SFXN2: variants seen among roughly 807,000 people sequenced by gnomAD.
SFXN2 encodes sideroflexin 2, also known as sideroflexin-2.
SFXN2 carries 37 observed loss-of-function variants against 41.9 expected under a neutral mutation model. That is an observed-to-expected ratio of 0.88 (90% CI 0.68 to 1.16). The LOEUF is 1.16. SFXN2 is among the 50% of genes most tolerant of loss of function. The probability of loss-of-function intolerance (pLI) is 0.00; values close to 1 mark genes in which losing one functional copy is unlikely to be tolerated. For synonymous variants in SFXN2, 150 were observed against 156.7 expected (o/e 0.96, Z 0.32); for missense variants, 386 against 425.2 (o/e 0.91, Z 0.81).
intron 4 of SFXN2, 36 bp from the exon 5 acceptor site, chr10:102,729,282 AG>A: frequency 6.2e-7 from 1 of 1,601,568 alleles, no homozygotes; most frequent in Non-Finnish European, 8.5e-7. Context: ...CTCAGCCGGC[AG>A]GGGCCCCACT....
Position 102,738,843 on chromosome 10 carries a change from T to C in SFXN2, c.*1081T>C, listed in dbSNP as rs2064816062. ...ATATATATAGGCATTAACCACACAC[T>C]TTAATGGGTATAATTTCCTGGCTGC... On this transcript the variant is annotated 3_prime_UTR_variant, in exon 12 of 12. Coordinates refer to ENST00000369893, the MANE Select transcript of SFXN2 (RefSeq NM_178858.6). 6.5e-6 allele frequency: 1 copy of C among 152,672 alleles called. No individual in the cohort carries two copies. The highest frequency in any genetic ancestry group is 1.5e-5 in the Non-Finnish European group (1 of 68,074). The allele number at this position is 152,672 out of a possible 1,614,324, so 9.5% of individuals were successfully genotyped here.
chr10:102,726,720 A>G lies in SFXN2; in HGVS notation c.84A>G (p.Leu28=), dbSNP rs1476729183. 6.2e-7 allele frequency: 1 copy of G among 1,614,154 alleles called. No individual in the cohort carries two copies. Among genetic ancestry groups the G allele is most frequent in the African/African-American group, 1.3e-5 (1 of 75,028 alleles). The change falls in exon 2 of 12, where the codon CTA becomes CTG. Residue 28 remains leucine (L), a synonymous_variant. Coordinates refer to ENST00000369893, the MANE Select transcript of SFXN2 (RefSeq NM_178858.6). ...RTFLGRVKHF[L]NITDPRTVFV... ...TCCTGGGGAGAGTGAAGCACTTCCT[A>G]AACATCACGGACCCCCGCACTGTCT... is the stretch of plus-strand genomic sequence containing the variant.
intron 1 of SFXN2, among the ~76,000 whole-genome samples, chr10:102,722,925 CTTTTTTT>C (rs71019608): frequency 3.7e-5 from 2 of 53,362 alleles, no homozygotes; most frequent in East Asian, 6.4e-4. Context: ...CAAGAAAGTC[CTTTTTTT>C]TTTTTTTTTT....
chr10:102,716,636 TC>T, intron 1 of SFXN2: 1 of 144,880 alleles, frequency 6.9e-6, no homozygotes, highest in Admixed American at 7.1e-5. Flanking sequence ...CGGTGCGATC[TC>T]GGCTCATCAC....
chr10:102,726,605 C>A lies in SFXN2; in HGVS notation c.-25-7C>A. 1 of 1,612,980 alleles carries A rather than the reference C, an allele frequency of 6.2e-7. No homozygotes were observed. Among genetic ancestry groups the A allele is most frequent in the Non-Finnish European group, 8.5e-7 (1 of 1,179,366 alleles). ...GGGGACAGTCATCTTCTTCCTTTGTCCCTTAGGTCCACAGTTTTATGTGTG... is the reference window on the plus strand; with the variant it reads ...GGGGACAGTCATCTTCTTCCTTTGTACCTTAGGTCCACAGTTTTATGTGTG... On this transcript the variant is annotated splice_region_variant and splice_polypyrimidine_tract_variant and intron_variant, in intron 1 of 11. Transcript: ENST00000369893.
chr10:102,729,610 T>A, intron 5 of SFXN2, 113 bp from the exon 6 acceptor site: 1 of 1,204,356 alleles, frequency 8.3e-7, no homozygotes, highest in Admixed American at 2.1e-5. Context: ...GGTGTCTGGA[T>A]GTGTGGCGGT....
At chr10:102,732,298 G>A in intron 8 of SFXN2, 80 bp downstream of exon 8, 4 of 1,329,796 alleles carry the variant, frequency 3.0e-6, no homozygotes, top group Non-Finnish European at 4.2e-6. Context: ...CTTTTGGGTG[G>A]GAGGTGGGGC....
chr10:102,743,227 G>A lies in SFXN2; in HGVS notation c.*5465G>A, dbSNP rs1842814690. On this transcript the variant is annotated 3_prime_UTR_variant, in exon 12 of 12. Transcript: ENST00000369893. ...GAGAGGAAGAATTGTCAACTTGCAGGGCAGCAGGGAAGCCATTTGTATTTA... is the reference window on the plus strand; with the variant it reads ...GAGAGGAAGAATTGTCAACTTGCAGAGCAGCAGGGAAGCCATTTGTATTTA... 1 of 152,306 alleles carries A rather than the reference G, an allele frequency of 6.6e-6. No individual in the cohort carries two copies. Among genetic ancestry groups the A allele is most frequent in the African/African-American group, 2.4e-5 (1 of 41,436 alleles). The allele number at this position is 152,306 out of a possible 1,614,324, so 9.4% of individuals were successfully genotyped here.
intron 11 of SFXN2, among the ~76,000 whole-genome samples, chr10:102,736,462 G>A (rs1260772896): frequency 7.1e-6 from 1 of 141,616 alleles, no homozygotes; most frequent in Non-Finnish European, 1.5e-5. Context: ...TCACTCCGTC[G>A]CCAGGCTGGG....
chr10:102,725,773 G>T (rs571837528), intron 1 of SFXN2, among the ~76,000 whole-genome samples: 20 of 152,090 alleles, frequency 1.3e-4, no homozygotes, highest in Middle Eastern at 3.4e-3. Context: ...TGTGCCTGTA[G>T]TCCCAGTTAC....
At chr10:102,720,228 G>A (rs1590138317) in intron 1 of SFXN2, among the ~76,000 whole-genome samples, 3 of 145,586 alleles carry the variant, frequency 2.1e-5, no homozygotes, top group Admixed American at 7.3e-5. Flanking sequence ...GGAGGTGGAC[G>A]TTGCAGTGAG....
Position 102,734,510 on chromosome 10 carries a change from G to T in SFXN2, c.821+907G>T, listed in dbSNP as rs2064746549. 1.3e-5 allele frequency among the ~76,000 whole-genome samples: 2 copies of T among 152,214 alleles called. No individual in the cohort carries two copies. Among genetic ancestry groups the T allele is most frequent in the Non-Finnish European group, 1.5e-5 (1 of 68,036 alleles). ...ATGAAGAAACTGAGACTTAGACAGAGTAAGAAACTTGCCCAAGGGTATATA... is the reference window on the plus strand; with the variant it reads ...ATGAAGAAACTGAGACTTAGACAGATTAAGAAACTTGCCCAAGGGTATATA... On this transcript the variant is annotated intron_variant, in intron 10 of 11. Transcript: ENST00000369893. The surrounding 1 kb of genome is among the most constrained non-coding windows in gnomAD (Gnocchi z 4.1).
rs190713599 is a variant in SFXN2 at position 102,741,169 on chromosome 10, A to G, written c.*3407A>G. The G allele has an allele frequency of 6.6e-6, 1 of 152,334 alleles. No homozygotes were observed. The highest frequency in any genetic ancestry group is 2.4e-5 in the African/African-American group (1 of 41,574). 9.4% of individuals were successfully genotyped at this position (152,334 alleles called of 1,614,324 possible). On this transcript the variant is annotated 3_prime_UTR_variant, in exon 12 of 12. Coordinates refer to ENST00000369893, the MANE Select transcript of SFXN2 (RefSeq NM_178858.6). ...GGGAAGTGCTAATCCAGACTGTCCT[A>G]TCCAATAGCTCAGCTTGAGCTTTCA...
intron 9 of SFXN2, among the ~76,000 whole-genome samples, 154 bp from the exon 10 acceptor site, chr10:102,733,400 G>C (rs764891846): frequency 6.6e-6 from 1 of 152,060 alleles, no homozygotes; most frequent in Admixed American, 6.6e-5. Flanking sequence ...TGCCCATCTC[G>C]GTCTCCCAAA....
At chr10:102,736,541 C>T (rs1407473127) in intron 11 of SFXN2, among the ~76,000 whole-genome samples, 2 of 151,808 alleles carry the variant, frequency 1.3e-5, no homozygotes, top group African/African-American at 2.4e-5. Context: ...CTCAGCCTCA[C>T]GAGTAGCTGG....
chr10:102,734,910 C>G lies in SFXN2; in HGVS notation c.822-952C>G, dbSNP rs2064752692. ...AAAGACTCTGAAGTCCTTCCCCAGA[C>G]CCCCTCAGTTGGCACCTGGCATTTT... is the stretch of plus-strand genomic sequence containing the variant. On this transcript the variant is annotated intron_variant, in intron 10 of 11. Transcript: ENST00000369893. This position sits in a 1 kb window ranked among gnomAD's most constrained non-coding sequence, Gnocchi z 4.1. Among the ~76,000 whole-genome samples, 2 of 152,160 alleles carry G rather than the reference C, an allele frequency of 1.3e-5. No homozygotes were observed. The highest frequency in any genetic ancestry group is 4.1e-4 in the South Asian group (2 of 4,832).
chr10:102,716,832 G>A (rs1166240756), intron 1 of SFXN2: 1 of 152,192 alleles, frequency 6.6e-6, no homozygotes, highest in African/African-American at 2.4e-5. Context: ...GGCTCTCAAA[G>A]TGTTGGGATT....
At chr10:102,725,462 C>T (rs1339008616) in intron 1 of SFXN2, among the ~76,000 whole-genome samples, 1 of 152,198 alleles carries the variant, frequency 6.6e-6, no homozygotes, top group Non-Finnish European at 1.5e-5. Context: ...TAGTGCATGC[C>T]TGTAGTCCCA....
intron 10 of SFXN2, 88 bp downstream of exon 10, chr10:102,733,691 T>C: frequency 9.3e-7 from 1 of 1,077,446 alleles, no homozygotes; most frequent in East Asian, 2.4e-5. Flanking sequence ...GGAGAACGTG[T>C]ACTCCTTTAC....
Sources: gnomAD v4.1 joint callset for allele counts (sites outside exome capture counted in the v4.1 genomes callset) on GRCh38, gnomAD v4.1.1 for gene constraint, Gnocchi (gnomAD v3.1) non-coding constraint, MANE v1.5 for transcripts, NCBI Gene and HGNC (gene_info 2026-07-23, HGNC 2026-07-21) for gene names.